Variants in ANK1 observed in about 807,000 individuals in gnomAD.
The protein encoded by ANK1 is ankyrin 1.
ANK1 carries 51 observed loss-of-function variants against 210.4 expected under a neutral mutation model. That is an observed-to-expected ratio of 0.24 (90% CI 0.19 to 0.31). ANK1 has a LOEUF of 0.31. ANK1 is among the 10% of genes least tolerant of loss of function. The pLI, the probability that ANK1 is intolerant of heterozygous loss-of-function variation, is 1.00. For missense variants in ANK1, 2,051 were observed against 2,504.4 expected, an observed-to-expected ratio of 0.82 and a Z score of 3.86; for synonymous variants, 967 against 1,025.9, an observed-to-expected ratio of 0.94 and a Z score of 1.10.
intron 3 of ANK1, 83 bp downstream of exon 3, chr8:41,733,888 T>A (rs1832798140): frequency 3.6e-6 from 4 of 1,121,406 alleles, no homozygotes; most frequent in Admixed American, 1.7e-5. Context: ...GCCTGAGTTC[T>A]CTCATGAAGG....
intron 1 of ANK1, among the ~76,000 whole-genome samples, chr8:41,855,385 G>A (rs1490762605): frequency 6.6e-6 from 1 of 152,166 alleles, no homozygotes; most frequent in Non-Finnish European, 1.5e-5. Flanking sequence ...CCTTTTAAAA[G>A]GTGCTTGAGA....
At chr8:41,853,024 A>T (rs568430682) in intron 1 of ANK1, among the ~76,000 whole-genome samples, 2 of 152,368 alleles carry the variant, frequency 1.3e-5, no homozygotes, top group East Asian at 3.9e-4. Context: ...AAAAATCCAG[A>T]CTTAGAAACA....
chr8:41,752,263 T>A (rs1396901090), intron 2 of ANK1, among the ~76,000 whole-genome samples: 2 of 152,194 alleles, frequency 1.3e-5, no homozygotes, highest in Non-Finnish European at 2.9e-5. Context: ...GCGCGCAGAC[T>A]ATTTTGTCTG....
chr8:41,748,719 A>G (rs1836803230), intron 2 of ANK1, among the ~76,000 whole-genome samples: 1 of 152,196 alleles, frequency 6.6e-6, no homozygotes, highest in African/African-American at 2.4e-5. Context: ...GGCTCTTGGA[A>G]CATTAGAACA....
In ANK1 at chr8:41,746,512, C is replaced by T. The variant is rs184603328; in HGVS notation, c.129+11524G>A. On this transcript the variant is annotated intron_variant, in intron 2 of 42. Transcript: ENST00000289734. ...AACTTTAGCCCTCCTGCCTGGGTAG[C>T]GCTTAGGATTCACAGTTTGCTGGAT... Among the ~76,000 whole-genome samples the T allele has an allele frequency of 6.6e-5, 10 of 152,194 alleles. No individual in the cohort carries two copies. In the East Asian group the frequency reaches 1.5e-3, roughly 24 times the overall value.
intron 1 of ANK1, among the ~76,000 whole-genome samples, chr8:41,861,490 C>A (rs1433002195): frequency 2.0e-5 from 3 of 152,240 alleles, no homozygotes; most frequent in Admixed American, 6.5e-5. Flanking sequence ...TTTGGTAGAA[C>A]CCCGTAGAAC....
rs377649925 is a variant in ANK1, at chr8:41,690,469, G to C, written c.3984+5C>G. ...GAGGAGAACTCAGCCAGAGGGTGCC[G>C]GCACCTTTACAGGCATGGCCAGACG... On this transcript the variant is annotated splice_donor_5th_base_variant and intron_variant, in intron 32 of 42. Coordinates refer to ENST00000289734, the MANE Select transcript of ANK1 (RefSeq NM_000037.4). 1.2e-6 allele frequency: 2 copies of C among 1,614,160 alleles called. No homozygotes were observed. The highest frequency in any genetic ancestry group is 1.7e-5 in the Admixed American group (1 of 60,016).
chr8:41,760,080 T>C (rs1471972280), intron 1 of ANK1, among the ~76,000 whole-genome samples: 3 of 152,176 alleles, frequency 2.0e-5, no homozygotes, highest in Non-Finnish European at 4.4e-5. Flanking sequence ...ACCCACCCCA[T>C]GCATCTCAGA....
At chr8:41,792,088 T>A (rs961428897) in intron 1 of ANK1, among the ~76,000 whole-genome samples, 2 of 152,210 alleles carry the variant, frequency 1.3e-5, no homozygotes, top group African/African-American at 4.8e-5. Context: ...CCTCCTGTAA[T>A]GCGCTTTTCT....
chr8:41,860,714 A>G (rs1813113895), intron 1 of ANK1, among the ~76,000 whole-genome samples: 2 of 152,196 alleles, frequency 1.3e-5, no homozygotes, highest in African/African-American at 4.8e-5. Context: ...ATCTGTCCCA[A>G]ATATGGGGGA....
chr8:41,759,117 C>T (rs563503914), intron 1 of ANK1, among the ~76,000 whole-genome samples: 3 of 152,242 alleles, frequency 2.0e-5, no homozygotes, highest in Middle Eastern at 6.8e-3. Context: ...CCATTATTAG[C>T]ACTTTACATA....
chr8:41,754,152 G>A (rs1359646605), intron 2 of ANK1, among the ~76,000 whole-genome samples: 1 of 152,210 alleles, frequency 6.6e-6, no homozygotes, highest in Non-Finnish European at 1.5e-5. Flanking sequence ...TAAGGAACGT[G>A]ACTTTAAAAT....
intron 37 of ANK1, among the ~76,000 whole-genome samples, chr8:41,678,755 G>T (rs543922473): frequency 1.3e-5 from 2 of 152,184 alleles, no homozygotes; most frequent in Admixed American, 6.5e-5. Flanking sequence ...TACAATCACC[G>T]TTTTAGTATC....
At chr8:41,816,449 C>G (rs1039979987) in intron 1 of ANK1, among the ~76,000 whole-genome samples, 1 of 151,676 alleles carries the variant, frequency 6.6e-6, no homozygotes, top group Non-Finnish European at 1.5e-5. Flanking sequence ...TCTTTTTTTT[C>G]TTATTTAGAG....
chr8:41,673,696 C>T (rs1315692954), intron 37 of ANK1, among the ~76,000 whole-genome samples: 8 of 152,316 alleles, frequency 5.3e-5, no homozygotes, highest in African/African-American at 1.2e-4. Context: ...AGGTCAGCAC[C>T]GACCTGGTGG....
Position 41,695,203 on chromosome 8 carries a change from T to G in ANK1, c.3089A>C (p.Asp1030Ala), listed in dbSNP as rs1243425335. 2 of 1,613,996 alleles carry G rather than the reference T, an allele frequency of 1.2e-6. No homozygotes were observed. Among genetic ancestry groups the G allele is most frequent in the Admixed American group, 3.3e-5 (2 of 60,006 alleles). The part of the protein sequence containing the change: ...HRSRYGESYL[D>A]QILNGMDEEL... Reference sequence around the variant, plus strand: ...TTCGTCCATCCCGTTGAGGATCTGATCCAGGTAGCTCTCTCCATAGCGGCT... The same window carrying G: ...TTCGTCCATCCCGTTGAGGATCTGAGCCAGGTAGCTCTCTCCATAGCGGCT... The change falls in exon 27 of 43, where the codon GAT becomes GCT. Residue 1030 changes from aspartate to alanine, a missense_variant. Transcript: ENST00000289734.
At chr8:41,761,335 C>T (rs6990338) in intron 1 of ANK1, among the ~76,000 whole-genome samples, 2 of 151,068 alleles carry the variant, frequency 1.3e-5, no homozygotes, top group African/African-American at 4.9e-5. Flanking sequence ...ATACACACAC[C>T]TGCACACATA....
chr8:41,877,547 C>A (rs550041033), intron 1 of ANK1, among the ~76,000 whole-genome samples: 76 of 152,354 alleles, frequency 5.0e-4, no homozygotes, highest in Non-Finnish European at 8.5e-4. Context: ...AGCACTCCTC[C>A]AGATTTTGGA....
At chr8:41,811,586 C>T (rs1802509474) in intron 1 of ANK1, among the ~76,000 whole-genome samples, 2 of 152,202 alleles carry the variant, frequency 1.3e-5, no homozygotes, top group Admixed American at 1.3e-4. Flanking sequence ...ACTGCCCTCC[C>T]TGGCTCAGAC....
Sources: gnomAD v4.1 joint callset for allele counts (sites outside exome capture counted in the v4.1 genomes callset) on GRCh38, gnomAD v4.1.1 for gene constraint, MANE v1.5 for transcripts, NCBI Gene and HGNC (gene_info 2026-07-23, HGNC 2026-07-21) for gene names.